The following BMP2K variants were observed in gnomAD, a reference collection of about 807,000 sequenced individuals.
BMP2K encodes the protein BMP2 inducible kinase, also known as BMP-2-inducible protein kinase.
A neutral mutation model predicts 116.0 loss-of-function variants in BMP2K; 74 were observed. The ratio of observed to expected loss-of-function variants is 0.64; its 90% CI spans 0.53 to 0.77. The LOEUF (loss-of-function observed/expected upper bound fraction) is 0.77, where lower values mean the gene tolerates loss of function less well. BMP2K is among the 30% of genes least tolerant of loss of function. BMP2K has a pLI of 0.00. For missense variants in BMP2K, 1,365 were observed against 1,403.6 expected (o/e 0.97, Z 0.44); for synonymous variants, 486 against 502.5 (o/e 0.97, Z 0.44).
intron 1 of BMP2K, among the ~76,000 whole-genome samples, chr4:78,815,963 C>G (rs1729324932): frequency 6.6e-6 from 1 of 152,132 alleles, no homozygotes; most frequent in South Asian, 2.1e-4. Flanking sequence ...GCACCAACAA[C>G]AAACATGTTT....
At chr4:78,795,909 G>A (rs1415214861) in intron 1 of BMP2K, among the ~76,000 whole-genome samples, 1 of 151,700 alleles carries the variant, frequency 6.6e-6, no homozygotes, top group Non-Finnish European at 1.5e-5. Context: ...TGGAGAGGAT[G>A]TGGAGAAATA....
At chr4:78,890,752 C>A (rs78206326) in intron 15 of BMP2K, among the ~76,000 whole-genome samples, 2 of 152,136 alleles carry the variant, frequency 1.3e-5, no homozygotes, top group Admixed American at 1.3e-4. Flanking sequence ...TGGTTGCTTT[C>A]TGGAGCTGTC....
At chr4:78,839,721 A>G (rs1730667036) in intron 3 of BMP2K, among the ~76,000 whole-genome samples, 1 of 152,204 alleles carries the variant, frequency 6.6e-6, no homozygotes, top group Non-Finnish European at 1.5e-5. Flanking sequence ...AGCCAGTCCG[A>G]CTGCAAAAAC....
At chr4:78,866,084 C>A (rs1470632508) in intron 10 of BMP2K, among the ~76,000 whole-genome samples, 1 of 152,168 alleles carries the variant, frequency 6.6e-6, no homozygotes, top group East Asian at 1.9e-4. Context: ...ACTAGTCTTA[C>A]AAAGTTTATG....
In BMP2K at chr4:78,891,098, G is replaced by A. The variant is rs957703322; in HGVS notation, c.2062+3814G>A. Among the ~76,000 whole-genome samples the A allele has an allele frequency of 3.3e-5, 5 of 152,256 alleles. No homozygotes were observed. The South Asian group carries it at 1.0e-3, about 32-fold the overall frequency. The stretch of plus-strand genomic sequence containing the variant: ...TTGTATTTTCCCTAAACTGATACCT[G>A]ATTGATAATTTGGCAGGGCAAATAA... On this transcript the variant is annotated intron_variant, in intron 15 of 15. Coordinates refer to ENST00000502613, the MANE Select transcript of BMP2K (RefSeq NM_198892.2).
chr4:78,891,687 T>C (rs893596031), intron 15 of BMP2K, among the ~76,000 whole-genome samples: 1 of 152,230 alleles, frequency 6.6e-6, no homozygotes, highest in Non-Finnish European at 1.5e-5. Context: ...GAGGATACTT[T>C]GGTTTTGCAC....
chr4:78,811,051 T>G (rs1560510236), intron 1 of BMP2K, among the ~76,000 whole-genome samples: 2 of 152,220 alleles, frequency 1.3e-5, no homozygotes, highest in Non-Finnish European at 2.9e-5. Flanking sequence ...AGCTCACATA[T>G]TAATACTACT....
In BMP2K at chr4:78,910,766, C is replaced by T; in HGVS notation, c.2219C>T (p.Ser740Phe). 2 of 1,613,800 alleles carry T rather than the reference C, an allele frequency of 1.2e-6. No individual in the cohort carries two copies. The highest frequency in any genetic ancestry group is 1.1e-5 in the South Asian group (1 of 91,022). The change falls in exon 16 of 16, where the codon TCT becomes TTT. Residue 740 changes from serine (S) to phenylalanine (F), a missense_variant. Physicochemically the swap from Ser to Phe is radical, Grantham distance 155. This residue lies in a region of BMP2K where 596 missense variants were observed against 623.2 expected (regional missense o/e 0.96). Coordinates refer to ENST00000502613, the MANE Select transcript of BMP2K (RefSeq NM_198892.2). ...CAAGTGCAAAAGGGGAATGATGAAT[C>T]TGAAAGTGATTTTGAATCAGATCCC... ...QGQVQKGNDE[S>F]ESDFESDPPS...
chr4:78,798,447 T>C (rs1374763863), intron 1 of BMP2K, among the ~76,000 whole-genome samples: 1 of 152,182 alleles, frequency 6.6e-6, no homozygotes, highest in East Asian at 1.9e-4. Context: ...ACATAACTGG[T>C]TTTCTTTTCT....
intron 14 of BMP2K, among the ~76,000 whole-genome samples, chr4:78,886,143 G>T (rs898731537): frequency 2.0e-5 from 3 of 152,096 alleles, no homozygotes; most frequent in Non-Finnish European, 4.4e-5. Context: ...TTATAGGTGT[G>T]AGCCCCCATC....
At chr4:78,886,023 T>C (rs1733059990) in intron 14 of BMP2K, among the ~76,000 whole-genome samples, 1 of 152,168 alleles carries the variant, frequency 6.6e-6, no homozygotes, top group Non-Finnish European at 1.5e-5. Context: ...TCTGTAAAGA[T>C]CGGGAGAGAT....
intron 1 of BMP2K, among the ~76,000 whole-genome samples, chr4:78,815,148 A>C (rs757510999): frequency 1.3e-5 from 2 of 152,194 alleles, no homozygotes; most frequent in South Asian, 4.1e-4. Flanking sequence ...TTTCATTTTT[A>C]GACCACTATG....
intron 1 of BMP2K, among the ~76,000 whole-genome samples, chr4:78,780,240 G>T (rs1472249149): frequency 6.6e-6 from 1 of 152,110 alleles, no homozygotes; most frequent in Non-Finnish European, 1.5e-5. Context: ...TTGAGACTGG[G>T]AGAGCAGAGA....
At chr4:78,871,975 C>A in intron 12 of BMP2K, 27 bp downstream of exon 12, 1 of 1,478,462 alleles carries the variant, frequency 6.8e-7, no homozygotes, top group Non-Finnish European at 9.4e-7. Flanking sequence ...CTAGAGATTT[C>A]TCTGAGTATA....
rs752405558 is a variant in BMP2K at position 78,870,982 on chromosome 4, A to ACAG, written c.1458_1460dup (p.Gln486dup). ...AGCAACAGCAGCAGCAGCAACAGCA[A>ACAG]CAGCAGCAGCAGCAGCAGCAGCAGC... On this transcript the variant is annotated inframe_insertion, in exon 11 of 16. Transcript: ENST00000502613. The ACAG allele has an allele frequency of 9.3e-3, 14,847 of 1,596,010 alleles. 52 individuals carry two copies. Among genetic ancestry groups the ACAG allele is most frequent in the African/African-American group, 0.038 (2,783 of 73,932 alleles).
At chr4:78,823,757 C>CA (rs1456267648) in intron 1 of BMP2K, among the ~76,000 whole-genome samples, 1 of 151,808 alleles carries the variant, frequency 6.6e-6, no homozygotes, top group Non-Finnish European at 1.5e-5. Flanking sequence ...CCACCTCAGG[C>CA]AATTCTGATG....
intron 1 of BMP2K, among the ~76,000 whole-genome samples, chr4:78,822,286 A>G (rs1418422827): frequency 1.3e-5 from 2 of 152,214 alleles, no homozygotes; most frequent in East Asian, 3.8e-4. Flanking sequence ...GACCAGAGGT[A>G]AGATTTCCAT....
intron 1 of BMP2K, among the ~76,000 whole-genome samples, chr4:78,796,574 G>T (rs1288773155): frequency 1.3e-5 from 2 of 152,142 alleles, no homozygotes; most frequent in Non-Finnish European, 2.9e-5. Flanking sequence ...AGGAAATCTG[G>T]TGGAAGAGGT....
chr4:78,792,214 G>T (rs1275320541), intron 1 of BMP2K, among the ~76,000 whole-genome samples: 1 of 152,162 alleles, frequency 6.6e-6, no homozygotes, highest in Non-Finnish European at 1.5e-5. Context: ...GAACATAAAA[G>T]ATGTACGTTT....
Sources: allele counts gnomAD v4.1 joint callset (sites outside exome capture counted in the v4.1 genomes callset), GRCh38; gene constraint gnomAD v4.1.1; regional missense constraint gnomAD v4.1.1; transcripts MANE v1.5; gene names NCBI Gene and HGNC (gene_info 2026-07-23, HGNC 2026-07-21).